GMDS: variants seen among roughly 807,000 people sequenced by gnomAD.
GMDS encodes GDP-mannose 4,6-dehydratase, also known as GDP-mannose 4,6 dehydratase.
GMDS carries 20 observed loss-of-function variants against 49.9 expected under a neutral mutation model. The ratio of observed to expected loss-of-function variants is 0.40; its 90% CI spans 0.28 to 0.58. The LOEUF is 0.58. Ranked by LOEUF, GMDS falls within the 20% of genes least tolerant of loss-of-function variation. GMDS has a pLI of 0.42. For synonymous variants in GMDS, 177 were observed against 178.6 expected, an observed-to-expected ratio of 0.99 and a Z score of 0.07; for missense variants, 362 against 481.4, an observed-to-expected ratio of 0.75 and a Z score of 2.32.
At chr6:2,213,626 G>A (rs1780174056) in intron 1 of GMDS, among the ~76,000 whole-genome samples, 1 of 152,188 alleles carries the variant, frequency 6.6e-6, no homozygotes, top group Non-Finnish European at 1.5e-5. Flanking sequence ...GCTGGGCCGT[G>A]CTTCAGTGCA....
chr6:1,915,618 C>G (rs1040695022), intron 7 of GMDS, among the ~76,000 whole-genome samples: 2 of 152,206 alleles, frequency 1.3e-5, no homozygotes, highest in African/African-American at 4.8e-5. Flanking sequence ...AAAGGCGACT[C>G]TGGCAGCCAT....
intron 9 of GMDS, among the ~76,000 whole-genome samples, chr6:1,696,437 C>A (rs575034675): frequency 5.6e-4 from 85 of 152,334 alleles, no homozygotes; most frequent in African/African-American, 2.0e-3. Flanking sequence ...ATTTTGGCTA[C>A]TTTAGTTGCT....
chr6:2,192,925 A>G (rs991923161), intron 1 of GMDS, among the ~76,000 whole-genome samples: 4 of 152,230 alleles, frequency 2.6e-5, no homozygotes, highest in African/African-American at 7.2e-5. Flanking sequence ...ACAGCTTTCC[A>G]ACCAGAAAAA....
chr6:1,943,230 C>G (rs1762903662), intron 6 of GMDS, among the ~76,000 whole-genome samples: 1 of 152,228 alleles, frequency 6.6e-6, no homozygotes, highest in Admixed American at 6.5e-5. Context: ...ACATCTGTAT[C>G]CACAGCTAGT....
Position 1,960,957 on chromosome 6 carries a change from C to A in GMDS, c.355G>T (p.Asp119Tyr). 1 of 1,525,016 alleles carries A rather than the reference C, an allele frequency of 6.6e-7. No homozygotes were observed. The highest frequency in any genetic ancestry group is 1.3e-5 in the South Asian group (1 of 79,160). 94.5% of individuals were successfully genotyped at this position (1,525,016 alleles called of 1,614,324 possible). ...GAQSHVKISFDLAEYTADVDG... is the reference protein window; with the variant it reads ...GAQSHVKISFYLAEYTADVDG... ...ACGTCCGCAGTGTACTCAGCGAGGT[C>A]AAAGGAAATCTGGAAAAAGCAGGCG... Residue 119 changes from aspartate (D) to tyrosine (Y), a missense_variant, in exon 5 of 11, where the codon GAC (aspartate) becomes TAC (tyrosine). Transcript: ENST00000380815.
intron 9 of GMDS, among the ~76,000 whole-genome samples, chr6:1,706,457 T>C (rs888251609): frequency 6.6e-6 from 1 of 152,256 alleles, no homozygotes; most frequent in Non-Finnish European, 1.5e-5. Flanking sequence ...TCTTTCCTCA[T>C]GCGTTTCTTT....
intron 7 of GMDS, among the ~76,000 whole-genome samples, chr6:1,791,251 C>A (rs1287342729): frequency 6.6e-6 from 1 of 152,196 alleles, no homozygotes. Context: ...TTTGCTTGGG[C>A]TGCCAATACA....
At chr6:1,700,271 C>A (rs528907080) in intron 9 of GMDS, among the ~76,000 whole-genome samples, 9 of 152,128 alleles carry the variant, frequency 5.9e-5, no homozygotes, top group African/African-American at 1.7e-4. Context: ...AATTACTCTG[C>A]GAAAGTTTTT....
At chr6:1,630,430 G>C (rs887356866) in intron 9 of GMDS, among the ~76,000 whole-genome samples, 2 of 152,370 alleles carry the variant, frequency 1.3e-5, no homozygotes, top group Admixed American at 1.3e-4. Flanking sequence ...GGACAGAGGA[G>C]CATGCTCCCC....
chr6:1,805,033 A>G (rs1358738985), intron 7 of GMDS, among the ~76,000 whole-genome samples: 1 of 152,214 alleles, frequency 6.6e-6, no homozygotes, highest in Admixed American at 6.5e-5. Flanking sequence ...CTATCTTACC[A>G]TCTATAACAG....
chr6:2,156,969 C>A (rs1180624833), intron 1 of GMDS, among the ~76,000 whole-genome samples: 1 of 152,116 alleles, frequency 6.6e-6, no homozygotes, highest in Non-Finnish European at 1.5e-5. Flanking sequence ...TTAAAAATCA[C>A]AGAAAAACTA....
Position 1,989,975 on chromosome 6 carries a change from G to A in GMDS, c.346-29009C>T, listed in dbSNP as rs1477894428. Among the ~76,000 whole-genome samples, 6 of 152,368 alleles carry A rather than the reference G, an allele frequency of 3.9e-5. No homozygotes were observed. The East Asian group carries it at 1.2e-3, about 29-fold the overall frequency. ...ATTATTCACCCTACAAGGCAACTGTGAAGATTTTCCACGTAGGTGCTTAAG... is the reference window on the plus strand; with the variant it reads ...ATTATTCACCCTACAAGGCAACTGTAAAGATTTTCCACGTAGGTGCTTAAG... On this transcript the variant is annotated intron_variant, in intron 4 of 10. Transcript: ENST00000380815.
intron 1 of GMDS, among the ~76,000 whole-genome samples, chr6:2,169,094 A>G (rs900942291): frequency 6.6e-6 from 1 of 152,254 alleles, no homozygotes; most frequent in African/African-American, 2.4e-5. Flanking sequence ...GGGAAAAAAA[A>G]CTAAAATTCT....
intron 9 of GMDS, among the ~76,000 whole-genome samples, chr6:1,672,746 C>T (rs1764469147): frequency 6.6e-6 from 1 of 152,158 alleles, no homozygotes; most frequent in South Asian, 2.1e-4. Context: ...ATCTAAGCAC[C>T]TCACCAGGCA....
intron 7 of GMDS, among the ~76,000 whole-genome samples, chr6:1,862,333 A>G (rs771344027): frequency 3.3e-5 from 5 of 152,218 alleles, no homozygotes; most frequent in Non-Finnish European, 7.3e-5. Context: ...CCTTTACATC[A>G]ATACACCTTG....
At chr6:2,205,242 C>G (rs1355711229) in intron 1 of GMDS, among the ~76,000 whole-genome samples, 3 of 152,162 alleles carry the variant, frequency 2.0e-5, no homozygotes, top group African/African-American at 7.2e-5. Context: ...GCAATCAACC[C>G]AGAGCTGTAT....
At chr6:2,183,891 A>G (rs1014118106) in intron 1 of GMDS, among the ~76,000 whole-genome samples, 1 of 152,228 alleles carries the variant, frequency 6.6e-6, no homozygotes, top group African/African-American at 2.4e-5. Context: ...TTAGCATAAG[A>G]TATACTTTAG....
rs1298743279 is a variant in GMDS, at chr6:1,757,377, T to C, written c.772-14791A>G. Reference sequence around the variant, plus strand: ...CTTCAGCCAGGTGTTTCCAATTATCTTCTGTCGCTCGGATACCTGGGTAAG... The same window carrying C: ...CTTCAGCCAGGTGTTTCCAATTATCCTCTGTCGCTCGGATACCTGGGTAAG... On this transcript the variant is annotated intron_variant, in intron 7 of 10. Coordinates refer to ENST00000380815, the MANE Select transcript of GMDS (RefSeq NM_001500.4). Among the ~76,000 whole-genome samples, 4 of 152,294 alleles carry C rather than the reference T, an allele frequency of 2.6e-5. No individual in the cohort carries two copies. The East Asian group carries it at 5.8e-4, about 22-fold the overall frequency.
chr6:1,665,237 ATC>A (rs561972318), intron 9 of GMDS, among the ~76,000 whole-genome samples: 5 of 152,148 alleles, frequency 3.3e-5, no homozygotes, highest in Non-Finnish European at 7.3e-5. Context: ...TCCTAATGCT[ATC>A]TCTCCCCCCT....
Sources: gnomAD v4.1 joint callset for allele counts (sites outside exome capture counted in the v4.1 genomes callset) on GRCh38, gnomAD v4.1.1 for gene constraint, MANE v1.5 for transcripts, NCBI Gene and HGNC (gene_info 2026-07-23, HGNC 2026-07-21) for gene names.